WDR3: variants seen among roughly 807,000 people sequenced by gnomAD.
WDR3 encodes the protein WD repeat domain 3.
In WDR3, 81 loss-of-function variants were observed where a neutral mutation model predicts 123.7. That is an observed-to-expected ratio of 0.65 (90% CI 0.55 to 0.79). WDR3 has a LOEUF of 0.79. Ranked by LOEUF, WDR3 falls within the 30% of genes least tolerant of loss-of-function variation. WDR3 has a pLI of 0.00. For missense variants in WDR3, 1,027 were observed against 1,123.2 expected (o/e 0.91, Z 1.22); for synonymous variants, 390 against 388.8 (o/e 1.00, Z -0.04).
chr1:117,952,878 C>G, intron 19 of WDR3, 68 bp from the exon 20 acceptor site: 1 of 1,572,360 alleles, frequency 6.4e-7, no homozygotes, highest in Non-Finnish European at 8.7e-7. Flanking sequence ...CTTCTCGCTT[C>G]CTCATTTCTC....
intron 24 of WDR3, 77 bp downstream of exon 24, chr1:117,955,435 A>G: frequency 2.3e-6 from 3 of 1,325,084 alleles, no homozygotes; most frequent in Middle Eastern, 1.9e-4. Context: ...CGGGAAATAA[A>G]TAGAAATTAT....
chr1:117,941,670 T>C, intron 8 of WDR3, 80 bp from the exon 9 acceptor site: 1 of 1,508,146 alleles, frequency 6.6e-7, no homozygotes, highest in South Asian at 1.3e-5. Context: ...AAAATAAATA[T>C]TGTTGTTTAC....
At position 117,957,082 on chromosome 1, in the gene WDR3, C is replaced by T. The variant is rs761654795; in HGVS notation, c.2468C>T (p.Ser823Phe). ...TTCTTTTTCAGTGAGCTGGAAGAAT[C>T]TCTACTTGTGCTGCCTTTCTCTTAT... ...KGIKSSELEE[S>F]LLVLPFSYVP... is the part of the protein sequence containing the mutation. The change falls in exon 25 of 27, where the codon TCT becomes TTT. Residue 823 changes from serine (S) to phenylalanine (F), a missense_variant. Transcript: ENST00000349139. The T allele has an allele frequency of 9.4e-6, 15 of 1,588,280 alleles. No homozygotes were observed. The highest frequency in any genetic ancestry group is 1.7e-4 in the Middle Eastern group (1 of 6,012).
In WDR3 at chr1:117,962,216, C is replaced by G. The variant is rs146447146; in HGVS notation, c.*2769C>G. 1.1e-4 allele frequency: 16 copies of G among 152,202 alleles called. No homozygotes were observed. The highest frequency in any genetic ancestry group is 3.9e-4 in the African/African-American group (16 of 41,516). 9.4% of individuals were successfully genotyped at this position (152,202 alleles called of 1,614,324 possible). ...AAGGAGAACTTTTATGATAAAGTGA[C>G]ATGTACAGAACCTAGCCAAGTTACA... On this transcript the variant is annotated 3_prime_UTR_variant, in exon 27 of 27. Transcript: ENST00000349139.
At position 117,934,512 on chromosome 1, in the gene WDR3, T is replaced by C. The variant is rs1650847897; in HGVS notation, c.211T>C (p.Leu71=). ...LQGLKQEVTC[L]CPSPDGLHLA... is the part of the protein sequence containing the mutation. Reference sequence around the variant, plus strand: ...GGGGCTTAAACAAGAAGTTACTTGCTTATGCCCCTCCCCAGATGGGCTACA... The same window carrying C: ...GGGGCTTAAACAAGAAGTTACTTGCCTATGCCCCTCCCCAGATGGGCTACA... The change falls in exon 3 of 27, where the codon TTA becomes CTA. Residue 71 remains leucine, a synonymous_variant. Coordinates refer to ENST00000349139, the MANE Select transcript of WDR3 (RefSeq NM_006784.3). The C allele has an allele frequency of 1.2e-6, 2 of 1,614,192 alleles. No homozygotes were observed. The highest frequency in any genetic ancestry group is 1.7e-6 in the Non-Finnish European group (2 of 1,180,020).
intron 25 of WDR3, 120 bp downstream of exon 25, chr1:117,957,316 C>G (rs1652360699): frequency 7.9e-7 from 1 of 1,269,676 alleles, no homozygotes; most frequent in Admixed American, 2.7e-5. Context: ...GTGGCTCACA[C>G]CCGTAATCCC....
At position 117,950,146 on chromosome 1, in the gene WDR3, C is replaced by T; in HGVS notation, c.1746+16C>T. ...TACTTTAAAGGTACAGTGGTTATGC[C>T]TGCGGATATTTTCCCTTTCTGACTG... is the stretch of plus-strand genomic sequence containing the variant. On this transcript the variant is annotated intron_variant, in intron 15 of 26. Coordinates refer to ENST00000349139, the MANE Select transcript of WDR3 (RefSeq NM_006784.3). The T allele has an allele frequency of 6.2e-7, 1 of 1,611,968 alleles. No homozygotes were observed. The highest frequency in any genetic ancestry group is 1.1e-5 in the South Asian group (1 of 90,602).
rs1457561058 is a variant in WDR3 at position 117,965,064 on chromosome 1, A to G, written c.*5617A>G. 2 of 152,202 alleles carry G rather than the reference A, an allele frequency of 1.3e-5. No homozygotes were observed. The highest frequency in any genetic ancestry group is 2.4e-5 in the African/African-American group (1 of 41,456). 9.4% of individuals were successfully genotyped at this position (152,202 alleles called of 1,614,324 possible). The stretch of plus-strand genomic sequence containing the variant: ...ATTCTGTTGCATCCTTGAGTAACAT[A>G]TTCTCTTGCTCTTTCCTTTAATAAA... On this transcript the variant is annotated 3_prime_UTR_variant, in exon 27 of 27. Coordinates refer to ENST00000349139, the MANE Select transcript of WDR3 (RefSeq NM_006784.3).
At chr1:117,949,356 C>T (rs1161549929) in intron 13 of WDR3, among the ~76,000 whole-genome samples, 3 of 152,110 alleles carry the variant, frequency 2.0e-5, no homozygotes, top group African/African-American at 7.2e-5. Flanking sequence ...CGGAAAACAG[C>T]TTCAAAACTA....
At chr1:117,945,536 C>T (rs538005345) in intron 11 of WDR3, among the ~76,000 whole-genome samples, 26 of 152,292 alleles carry the variant, frequency 1.7e-4, no homozygotes, top group African/African-American at 6.0e-4. Flanking sequence ...GCACCTAACA[C>T]CTGATATACC....
intron 6 of WDR3, 50 bp downstream of exon 6, chr1:117,939,622 A>C: frequency 6.4e-7 from 1 of 1,564,178 alleles, no homozygotes; most frequent in Non-Finnish European, 8.8e-7. Flanking sequence ...TTTCATAAGC[A>C]CCTTGGATTT....
At position 117,961,884 on chromosome 1, in the gene WDR3, C is replaced by T. The variant is rs1471859387; in HGVS notation, c.*2437C>T. 2 of 152,240 alleles carry T rather than the reference C, an allele frequency of 1.3e-5. No individual in the cohort carries two copies. The highest frequency in any genetic ancestry group is 2.4e-5 in the African/African-American group (1 of 41,346). 9.4% of individuals were successfully genotyped at this position (152,240 alleles called of 1,614,324 possible). A position where few individuals can be genotyped will look rare whatever the true frequency, so the allele number is the denominator to read the frequency against. On this transcript the variant is annotated 3_prime_UTR_variant, in exon 27 of 27. Transcript: ENST00000349139. ...AGTGTTGTTTAGGCAGCTATTCCTG[C>T]CACCAGGGAGAGGAGTTAATTCTTG...
chr1:117,955,353 G>A lies in WDR3; in HGVS notation c.2448G>A (p.Lys816=). 6.2e-7 allele frequency: 1 copy of A among 1,612,320 alleles called. No homozygotes were observed. The highest frequency in any genetic ancestry group is 8.5e-7 in the Non-Finnish European group (1 of 1,178,882). The change falls in exon 24 of 27, where the codon AAG becomes AAA. Residue 816 remains lysine, a synonymous_variant. Coordinates refer to ENST00000349139, the MANE Select transcript of WDR3 (RefSeq NM_006784.3). ...AYVLEIFKGI[K]SSELEESLLV... ...TATTAGAGATTTTTAAAGGGATCAA[G>A]TCGAGGTGAGTGAGTCCTTGCGCAC...
At chr1:117,942,169 T>G (rs967514651) in intron 9 of WDR3, among the ~76,000 whole-genome samples, 4 of 152,222 alleles carry the variant, frequency 2.6e-5, no homozygotes, top group Non-Finnish European at 5.9e-5. Context: ...TACAAGGACC[T>G]TGTTACAAGA....
At chr1:117,945,007 G>A (rs1324693711) in intron 11 of WDR3, among the ~76,000 whole-genome samples, 13 of 152,058 alleles carry the variant, frequency 8.5e-5, no homozygotes, top group East Asian at 1.9e-4. Flanking sequence ...GTTGATTTTC[G>A]TATCCCATAT....
rs774985783 is a variant in WDR3 at position 117,948,475 on chromosome 1, C to G, written c.1493C>G (p.Ala498Gly). 5 of 1,613,822 alleles carry G rather than the reference C, an allele frequency of 3.1e-6. No homozygotes were observed. Among genetic ancestry groups the G allele is most frequent in the Non-Finnish European group, 3.4e-6 (4 of 1,179,870 alleles). ...LLETIDAHDG[A>G]LWSMSLSPDQ... The stretch of plus-strand genomic sequence containing the variant: ...GAGACAATAGATGCACATGATGGAG[C>G]TTTGTGGTCCATGTCCCTCTCTCCA... Residue 498 changes from alanine (A) to glycine (G), a missense_variant, in exon 13 of 27, where the codon GCT becomes GGT. Physicochemically the swap from Ala to Gly is moderately conservative, Grantham distance 60. Transcript: ENST00000349139.
Position 117,954,620 on chromosome 1 carries a change from G to A in WDR3, c.2402G>A (p.Ser801Asn). The A allele has an allele frequency of 3.7e-6, 6 of 1,611,742 alleles. No individual in the cohort carries two copies. The highest frequency in any genetic ancestry group is 4.2e-6 in the Non-Finnish European group (5 of 1,178,820). ...AACCCCATCCTAATGGCTTATGGCA[G>A]TATCTCAGTGAGTAAAATGTCTAAC... ...PSNPILMAYG[S>N]ISPSAYVLEI... Residue 801 changes from serine (S) to asparagine (N), a missense_variant, in exon 23 of 27, where the codon AGT becomes AAT. Ser to Asn is a conservative substitution (Grantham distance 46, BLOSUM62 1). Coordinates refer to ENST00000349139, the MANE Select transcript of WDR3 (RefSeq NM_006784.3).
chr1:117,946,199 G>C lies in WDR3; in HGVS notation c.1422+20G>C. 1 of 1,575,204 alleles carries C rather than the reference G, an allele frequency of 6.3e-7. No homozygotes were observed. Among genetic ancestry groups the C allele is most frequent in the Non-Finnish European group, 8.7e-7 (1 of 1,155,684 alleles). ...ACAAAGGTAAATGGAGACTTTTTCTGGGATATCTGGATCTTTTCTACTCAA... is the reference window on the plus strand; with the variant it reads ...ACAAAGGTAAATGGAGACTTTTTCTCGGATATCTGGATCTTTTCTACTCAA... On this transcript the variant is annotated intron_variant, in intron 12 of 26. Transcript: ENST00000349139.
At chr1:117,944,447 G>T (rs1456156717) in intron 11 of WDR3, among the ~76,000 whole-genome samples, 1 of 152,084 alleles carries the variant, frequency 6.6e-6, no homozygotes, top group East Asian at 1.9e-4. Flanking sequence ...AGCTTTCTCT[G>T]TATGATGACA....
Sources: allele counts gnomAD v4.1 joint callset (sites outside exome capture counted in the v4.1 genomes callset), GRCh38; gene constraint gnomAD v4.1.1; transcripts MANE v1.5; gene names NCBI Gene and HGNC (gene_info 2026-07-23, HGNC 2026-07-21).